RNF14: variants seen among roughly 807,000 people sequenced by gnomAD.
RNF14 encodes ring finger protein 14.
Under a neutral mutation model 52.6 loss-of-function variants are expected in RNF14, and 26 were observed. The ratio of observed to expected loss-of-function variants is 0.49; its 90% CI spans 0.36 to 0.69. RNF14 has a LOEUF of 0.69. Ranked by LOEUF, RNF14 falls within the 30% of genes least tolerant of loss-of-function variation. The pLI is 0.00. For missense variants in RNF14, 404 were observed against 560.4 expected, an observed-to-expected ratio of 0.72 and a Z score of 2.82; for synonymous variants, 194 against 202.0, an observed-to-expected ratio of 0.96 and a Z score of 0.34.
chr5:141,951,024 C>T, the RNF14 span, among the ~76,000 whole-genome samples: 9 of 152,102 alleles, frequency 5.9e-5, no homozygotes, highest in African/African-American at 1.7e-4. Context: ...TTTCTCCATC[C>T]GTAACAAGAA....
At chr5:141,952,039 G>T in the RNF14 span, among the ~76,000 whole-genome samples, 5 of 152,204 alleles carry the variant, frequency 3.3e-5, no homozygotes, top group African/African-American at 9.7e-5. Flanking sequence ...AAGGCAAAAT[G>T]GTGTCATTGA....
upstream of RNF14, chr5:141,955,140 T>C (rs757050421): frequency 8.1e-6 from 13 of 1,614,092 alleles, no homozygotes; most frequent in Non-Finnish European, 1.1e-5. The surrounding 1 kb of genome is among the most constrained non-coding windows in gnomAD (Gnocchi z 5.5). Flanking sequence ...CAGAGGAGGC[T>C]GGTGGCCTCT....
the RNF14 span, among the ~76,000 whole-genome samples, chr5:141,950,746 C>G: frequency 6.6e-6 from 1 of 152,194 alleles, no homozygotes; most frequent in Non-Finnish European, 1.5e-5. Flanking sequence ...ACTCTGAGAG[C>G]TGGTCCCAGC....
intron 2 of RNF14, among the ~76,000 whole-genome samples, chr5:141,971,631 C>T (rs1225421406): frequency 2.5e-4 from 15 of 60,964 alleles, no homozygotes; most frequent in African/African-American, 3.8e-4. Context: ...TTCTTTCTTT[C>T]TTTCCTTTTT....
chr5:141,976,419 G>A (rs1376159421), intron 4 of RNF14, among the ~76,000 whole-genome samples: 1 of 152,196 alleles, frequency 6.6e-6, no homozygotes, highest in African/African-American at 2.4e-5. Flanking sequence ...CTGGATTTGG[G>A]GGCGGAGGTG....
Position 141,983,246 on chromosome 5 carries a change from A to T in RNF14, c.1064-134A>T, listed in dbSNP as rs557995474. On this transcript the variant is annotated intron_variant, in intron 6 of 8. Coordinates refer to ENST00000394520, the MANE Select transcript of RNF14 (RefSeq NM_004290.5). The stretch of plus-strand genomic sequence containing the variant: ...TGTTATATGCATCTCCATGCATATG[A>T]CTTTGGATTATTTCCTTATGATAAA... 19 of 703,638 alleles carry T rather than the reference A, an allele frequency of 2.7e-5. No individual in the cohort carries two copies. The Admixed American group carries it at 2.9e-4, about 11-fold the overall frequency. The allele number at this position is 703,638 out of a possible 1,614,324, so 43.6% of individuals were successfully genotyped here.
chr5:141,966,874 T>G (rs1027594953), upstream of RNF14: 1 of 152,254 alleles, frequency 6.6e-6, no homozygotes, highest in Admixed American at 6.5e-5. Flanking sequence ...CACGAAGAGG[T>G]CTCTGGTCTC....
upstream of RNF14, chr5:141,956,163 TG>T (rs772105118): frequency 6.2e-7 from 1 of 1,614,182 alleles, no homozygotes; most frequent in Non-Finnish European, 8.5e-7. Flanking sequence ...GGACCACCTC[TG>T]GGGCATTATC....
chr5:141,987,814 AGTGGATT>A lies in RNF14; in HGVS notation c.*27_*33del. On this transcript the variant is annotated 3_prime_UTR_variant, in exon 9 of 9. Transcript: ENST00000394520. Reference sequence around the variant, plus strand: ...AGTTAACTACTGCTCAAGATATGGAAGTGGATTGTTTTTCCCTAATCTTCCGTCAAGT... The same window carrying A: ...AGTTAACTACTGCTCAAGATATGGAAGTTTTTCCCTAATCTTCCGTCAAGT... 1 of 1,608,714 alleles carries A rather than the reference AGTGGATT, an allele frequency of 6.2e-7. No homozygotes were observed. The highest frequency in any genetic ancestry group is 8.5e-7 in the Non-Finnish European group (1 of 1,176,472).
chr5:141,958,000 T>C, upstream of RNF14: 1 of 904,754 alleles, frequency 1.1e-6, no homozygotes, highest in Non-Finnish European at 1.6e-6. The surrounding 1 kb of genome is among the most constrained non-coding windows in gnomAD (Gnocchi z 4.3). Context: ...TAGATGATTA[T>C]GAAACAAGCA....
Position 141,976,389 on chromosome 5 carries a change from C to G in RNF14, c.306+1434C>G, listed in dbSNP as rs561204739. 2.6e-5 allele frequency among the ~76,000 whole-genome samples: 4 copies of G among 152,314 alleles called. No individual in the cohort carries two copies. In the South Asian group the frequency reaches 8.3e-4, roughly 32 times the overall value. ...CGTGGTTGTGGTTTCAGATTCCAGC[C>G]AACCAGCATCTACTTAATGCTGGAT... On this transcript the variant is annotated intron_variant, in intron 4 of 8. Transcript: ENST00000394520.
Position 141,987,926 on chromosome 5 carries a change from A to T in RNF14, c.*136A>T, listed in dbSNP as rs373969115. The T allele has an allele frequency of 1.3e-6, 1 of 795,492 alleles. No individual in the cohort carries two copies. The highest frequency in any genetic ancestry group is 2.5e-5 in the East Asian group (1 of 39,362). The allele number at this position is 795,492 out of a possible 1,614,324, so 49.3% of individuals were successfully genotyped here. ...TAGAAGATATGGAAGAACGAGGTTT[A>T]TATTTTCATGTGGTACTACTGAAGA... is the stretch of plus-strand genomic sequence containing the variant. On this transcript the variant is annotated 3_prime_UTR_variant, in exon 9 of 9. Transcript: ENST00000394520.
upstream of RNF14, chr5:141,956,041 T>A (rs760313759): frequency 6.2e-7 from 1 of 1,613,986 alleles, no homozygotes; most frequent in South Asian, 1.1e-5. Flanking sequence ...TGGAGGTGTG[T>A]CAGTGCCCGC....
At chr5:141,979,579 A>T (rs1307382834) in intron 5 of RNF14, among the ~76,000 whole-genome samples, 1 of 152,114 alleles carries the variant, frequency 6.6e-6, no homozygotes, top group African/African-American at 2.4e-5. Flanking sequence ...TTAAAGCATA[A>T]TTTTACTTAA....
At chr5:141,983,649 C>T (rs1754980238) in intron 7 of RNF14, 97 bp downstream of exon 7, 2 of 1,033,092 alleles carry the variant, frequency 1.9e-6, no homozygotes. Context: ...ACTTACAAAA[C>T]ACATGCTGGT....
chr5:141,963,460 T>C (rs1005427369), upstream of RNF14, among the ~76,000 whole-genome samples: 1 of 151,888 alleles, frequency 6.6e-6, no homozygotes, highest in Non-Finnish European at 1.5e-5. Context: ...ATCAAACATA[T>C]TGACTGGGAG....
At chr5:141,956,755 GCTT>G, upstream of RNF14, 1 of 1,614,254 alleles carries the variant, frequency 6.2e-7, no homozygotes. Context: ...CTTGGGAAGA[GCTT>G]CTGACACCAG....
At chr5:141,951,708 G>C in the RNF14 span, 1 of 775,764 alleles carries the variant, frequency 1.3e-6, no homozygotes, top group Non-Finnish European at 2.2e-6. Context: ...GGCTTCAGAT[G>C]TTTGTGTGAT....
At chr5:141,969,815 C>G (rs1753580305) in intron 1 of RNF14, 1 of 152,194 alleles carries the variant, frequency 6.6e-6, no homozygotes, top group Non-Finnish European at 1.5e-5. Flanking sequence ...AAAACAGCTC[C>G]TCAGAAGATT....
Sources: allele counts gnomAD v4.1 joint callset (sites outside exome capture counted in the v4.1 genomes callset), GRCh38; gene constraint gnomAD v4.1.1; non-coding constraint Gnocchi (gnomAD v3.1); transcripts MANE v1.5; gene names NCBI Gene and HGNC (gene_info 2026-07-23, HGNC 2026-07-21).